Variants in CNTN6 observed in about 807,000 individuals in gnomAD.
CNTN6 encodes contactin-6.
CNTN6 carries 137 observed loss-of-function variants against 122.8 expected under a neutral mutation model. That is an observed-to-expected ratio of 1.12 (90% CI 0.97 to 1.29). CNTN6 has a LOEUF of 1.29. Ranked by LOEUF, CNTN6 falls within the 50% of genes most tolerant of loss-of-function variation. CNTN6 has a pLI of 0.00. For synonymous variants in CNTN6, 570 were observed against 426.0 expected (o/e 1.34, Z -4.16); for missense variants, 1,634 against 1,223.4 (o/e 1.34, Z -5.01).
At chr3:1,377,981 G>C (rs1436495160) in intron 17 of CNTN6, among the ~76,000 whole-genome samples, 1 of 152,056 alleles carries the variant, frequency 6.6e-6, no homozygotes, top group African/African-American at 2.4e-5. Flanking sequence ...CCCCCACCAA[G>C]GACTCCCAAC....
intron 4 of CNTN6, among the ~76,000 whole-genome samples, chr3:1,261,258 G>A (rs2094841825): frequency 6.6e-6 from 1 of 152,180 alleles, no homozygotes; most frequent in Non-Finnish European, 1.5e-5. Context: ...CATGGACTAT[G>A]TAGTGTATTT....
At chr3:1,267,249 C>T (rs530046741) in intron 4 of CNTN6, among the ~76,000 whole-genome samples, 19 of 151,840 alleles carry the variant, frequency 1.3e-4, no homozygotes, top group Non-Finnish European at 2.4e-4. Flanking sequence ...CTTTTTTTCC[C>T]TCTCCCACCA....
At chr3:1,377,276 C>G (rs1710012497) in intron 17 of CNTN6, among the ~76,000 whole-genome samples, 1 of 152,124 alleles carries the variant, frequency 6.6e-6, no homozygotes, top group African/African-American at 2.4e-5. Context: ...GAACTCAGCA[C>G]AATTTTCTCC....
chr3:1,214,220 A>T (rs1242113865), intron 2 of CNTN6, among the ~76,000 whole-genome samples: 2 of 151,656 alleles, frequency 1.3e-5, no homozygotes, highest in African/African-American at 4.8e-5. Context: ...CTTTAAGAAT[A>T]ATCATCTGTT....
At chr3:1,138,842 A>G (rs1484311593) in intron 1 of CNTN6, among the ~76,000 whole-genome samples, 4 of 151,970 alleles carry the variant, frequency 2.6e-5, no homozygotes, top group African/African-American at 9.7e-5. Flanking sequence ...ATATCTATAT[A>G]ATTATATGTT....
intron 3 of CNTN6, among the ~76,000 whole-genome samples, chr3:1,224,024 G>C (rs1467172086): frequency 6.6e-6 from 1 of 152,182 alleles, no homozygotes; most frequent in East Asian, 1.9e-4. Context: ...CTAGGACTAG[G>C]ATTCTTTCCA....
intron 12 of CNTN6, among the ~76,000 whole-genome samples, chr3:1,369,378 C>T (rs894582963): frequency 1.6e-4 from 15 of 91,818 alleles, no homozygotes; most frequent in East Asian, 6.2e-4. Context: ...TGACTTGCTG[C>T]GGGTTTTTTT....
intron 12 of CNTN6, among the ~76,000 whole-genome samples, chr3:1,352,724 G>A (rs1705849413): frequency 6.6e-6 from 1 of 151,810 alleles, no homozygotes; most frequent in African/African-American, 2.4e-5. Context: ...TTTTACATAA[G>A]CCTTAATGTT....
At chr3:1,330,957 A>T (rs760794582) in intron 11 of CNTN6, among the ~76,000 whole-genome samples, 1 of 151,948 alleles carries the variant, frequency 6.6e-6, no homozygotes, top group Non-Finnish European at 1.5e-5. Flanking sequence ...GAAAGCTAGA[A>T]GTCTGCATTC....
chr3:1,222,703 C>CT (rs1043744561), intron 3 of CNTN6, among the ~76,000 whole-genome samples: 25 of 147,864 alleles, frequency 1.7e-4, no homozygotes, highest in East Asian at 9.9e-4. Context: ...TGGCTCATTT[C>CT]TTTTTTTTTT....
At chr3:1,347,106 A>AAATCT (rs1474802077) in intron 11 of CNTN6, among the ~76,000 whole-genome samples, 5 of 152,166 alleles carry the variant, frequency 3.3e-5, no homozygotes, top group African/African-American at 1.2e-4. Context: ...AGCCACTATA[A>AAATCT]AATCTACCCA....
At chr3:1,335,897 A>G (rs1465939236) in intron 11 of CNTN6, among the ~76,000 whole-genome samples, 1 of 151,968 alleles carries the variant, frequency 6.6e-6, no homozygotes, top group Non-Finnish European at 1.5e-5. Context: ...GGGGTGGAAC[A>G]TGGTGGCACA....
chr3:1,103,727 G>C (rs1249159002), intron 1 of CNTN6, among the ~76,000 whole-genome samples: 1 of 152,048 alleles, frequency 6.6e-6, no homozygotes, highest in Non-Finnish European at 1.5e-5. Flanking sequence ...TACCATTAGG[G>C]GGCTCCTTTT....
intron 7 of CNTN6, among the ~76,000 whole-genome samples, chr3:1,320,753 C>G (rs370979973): frequency 6.6e-6 from 1 of 151,644 alleles, no homozygotes; most frequent in African/African-American, 2.4e-5. Context: ...CCTTCTGGAA[C>G]TTTGCTTGCA....
intron 1 of CNTN6, among the ~76,000 whole-genome samples, chr3:1,093,954 A>C (rs977728744): frequency 2.8e-4 from 42 of 152,218 alleles, no homozygotes; most frequent in African/African-American, 9.9e-4. Context: ...AATAATCAGC[A>C]TCCTGACTAT....
intron 12 of CNTN6, among the ~76,000 whole-genome samples, chr3:1,369,688 C>A (rs1708722624): frequency 6.6e-6 from 1 of 152,032 alleles, no homozygotes; most frequent in Non-Finnish European, 1.5e-5. Context: ...TGATCTAAAA[C>A]TTTAAATCTG....
At chr3:1,247,409 A>G (rs1179198091) in intron 4 of CNTN6, among the ~76,000 whole-genome samples, 1 of 152,158 alleles carries the variant, frequency 6.6e-6, no homozygotes, top group Non-Finnish European at 1.5e-5. Flanking sequence ...CAGTCTTACA[A>G]TAAGTCTTAA....
In CNTN6 at chr3:1,273,186, G is replaced by A. The variant is rs186791271; in HGVS notation, c.359-5227G>A. ...ACCTCAACAATCAAGGTCATTAACA[G>A]CAACCAGCACTGCAGGATTTGTATC... On this transcript the variant is annotated intron_variant, in intron 4 of 22. Coordinates refer to ENST00000446702, the MANE Select transcript of CNTN6 (RefSeq NM_001289080.2). 9.2e-3 allele frequency among the ~76,000 whole-genome samples: 1,398 copies of A among 152,264 alleles called. 15 individuals are homozygous for A. Among genetic ancestry groups the A allele is most frequent in the Middle Eastern group, 0.02 (6 of 294 alleles).
chr3:1,164,013 T>A (rs2093192559), intron 2 of CNTN6, among the ~76,000 whole-genome samples: 1 of 152,186 alleles, frequency 6.6e-6, no homozygotes, highest in South Asian at 2.1e-4. Flanking sequence ...TTTCAGAATT[T>A]CTCTTCCCTA....
Sources: allele counts gnomAD v4.1 joint callset (sites outside exome capture counted in the v4.1 genomes callset), GRCh38; gene constraint gnomAD v4.1.1; transcripts MANE v1.5; gene names NCBI Gene and HGNC (gene_info 2026-07-23, HGNC 2026-07-21).